The following PEX26 variants were observed in gnomAD, a reference collection of about 807,000 sequenced individuals.
PEX26 encodes the protein peroxisome assembly protein 26.
A neutral mutation model predicts 31.4 loss-of-function variants in PEX26; 18 were observed. The ratio of observed to expected loss-of-function variants is 0.57; its 90% CI spans 0.40 to 0.85. PEX26 has a LOEUF of 0.85. Among genes scored for constraint, PEX26 ranks in the 40% least tolerant of loss-of-function variants. PEX26 has a pLI of 0.00. For synonymous variants in PEX26, 176 were observed against 166.9 expected (o/e 1.05, Z -0.42); for missense variants, 377 against 383.9 (o/e 0.98, Z 0.15).
In PEX26 at chr22:18,100,777, C is replaced by T. The variant is rs549461154; in HGVS notation, c.*12702C>T. ...GAGATAGATGAGTGGGACACCATCTCGGTAGGAAAGAGTTTGACAGGAAGA... is the reference window on the plus strand; with the variant it reads ...GAGATAGATGAGTGGGACACCATCTTGGTAGGAAAGAGTTTGACAGGAAGA... On this transcript the variant is annotated 3_prime_UTR_variant, in exon 5 of 5. Transcript: ENST00000399744. 2.6e-5 allele frequency: 4 copies of T among 152,344 alleles called. No homozygotes were observed. Among genetic ancestry groups the T allele is most frequent in the South Asian group, 2.1e-4 (1 of 4,830 alleles). The allele number at this position is 152,344 out of a possible 1,614,324, so 9.4% of individuals were successfully genotyped here. A position where few individuals can be genotyped will look rare whatever the true frequency, so the allele number is the denominator to read the frequency against.
In PEX26 at chr22:18,099,046, T is replaced by G. The variant is rs1927378437; in HGVS notation, c.*10971T>G. 1 of 152,148 alleles carries G rather than the reference T, an allele frequency of 6.6e-6. No homozygotes were observed. Among genetic ancestry groups the G allele is most frequent in the Non-Finnish European group, 1.5e-5 (1 of 68,020 alleles). The allele number at this position is 152,148 out of a possible 1,614,324, so 9.4% of individuals were successfully genotyped here. ...AAAATGACATGCTGTCTGCCTTACC[T>G]TTTAGTGATGATTTGTAGGAAGAGG... is the stretch of plus-strand genomic sequence containing the variant. On this transcript the variant is annotated 3_prime_UTR_variant, in exon 5 of 5. Transcript: ENST00000399744.
At chr22:18,080,207 A>T (rs1280909475) in intron 2 of PEX26, among the ~76,000 whole-genome samples, 193 bp downstream of exon 2, 1 of 152,138 alleles carries the variant, frequency 6.6e-6, no homozygotes, top group African/African-American at 2.4e-5. Flanking sequence ...AGTAGAATAG[A>T]TATAAAGAAG....
chr22:18,093,771 A>G lies in PEX26; in HGVS notation c.*5696A>G, dbSNP rs1927204916. ...CCCCATTTCTATTAAAAATAAATGT[A>G]AACACCCAACCCTCTTGGCAGCCCA... On this transcript the variant is annotated 3_prime_UTR_variant, in exon 5 of 5. Transcript: ENST00000399744. 1 of 152,330 alleles carries G rather than the reference A, an allele frequency of 6.6e-6. No homozygotes were observed. The highest frequency in any genetic ancestry group is 6.5e-5 in the Admixed American group (1 of 15,292). 9.4% of individuals were successfully genotyped at this position (152,330 alleles called of 1,614,324 possible).
chr22:18,089,076 G>A lies in PEX26; in HGVS notation c.*1001G>A, dbSNP rs1011466698. 2.0e-4 allele frequency: 31 copies of A among 152,776 alleles called. No homozygotes were observed. Among genetic ancestry groups the A allele is most frequent in the Non-Finnish European group, 5.9e-5 (4 of 68,250 alleles). The allele number at this position is 152,776 out of a possible 1,614,324, so 9.5% of individuals were successfully genotyped here. ...TCCTGGCCAAGTCTTGCTCTGTTAC[G>A]CTCAGTGCCTCTGCCCACTCTTTCC... On this transcript the variant is annotated 3_prime_UTR_variant, in exon 5 of 5. Coordinates refer to ENST00000399744, the MANE Select transcript of PEX26 (RefSeq NM_001127649.3).
Position 18,078,460 on chromosome 22 carries a change from C to G in PEX26, c.84C>G (p.Val28=), listed in dbSNP as rs547969346. The part of the protein sequence containing the change: ...PLRSSEPVRA[V]PARAPAVDLL... ...GCAGCAGCGAGCCGGTGCGCGCGGTCCCGGCCCGGGCGCCGGCCGTGGACC... is the reference window on the plus strand; with the variant it reads ...GCAGCAGCGAGCCGGTGCGCGCGGTGCCGGCCCGGGCGCCGGCCGTGGACC... Residue 28 remains valine, a synonymous_variant, in exon 1 of 5, where the codon GTC becomes GTG. Coordinates refer to ENST00000399744, the MANE Select transcript of PEX26 (RefSeq NM_001127649.3). 4 of 1,578,082 alleles carry G rather than the reference C, an allele frequency of 2.5e-6. No individual in the cohort carries two copies. The highest frequency in any genetic ancestry group is 3.4e-6 in the Non-Finnish European group (4 of 1,164,500).
rs1237153074 is a variant in PEX26, at chr22:18,090,784, G to C, written c.*2709G>C. 6.6e-6 allele frequency: 1 copy of C among 151,544 alleles called. No individual in the cohort carries two copies. Among genetic ancestry groups the C allele is most frequent in the Non-Finnish European group, 1.5e-5 (1 of 68,018 alleles). The allele number at this position is 151,544 out of a possible 1,614,324, so 9.4% of individuals were successfully genotyped here. ...TGTGGTGGGATGGGAGGGTGGGGGA[G>C]AGGGGTGGAATGGAGAGGAAACAGG... On this transcript the variant is annotated 3_prime_UTR_variant, in exon 5 of 5. Coordinates refer to ENST00000399744, the MANE Select transcript of PEX26 (RefSeq NM_001127649.3).
rs181347620 is a variant in PEX26 at position 18,085,909 on chromosome 22, C to T, written c.814+651C>T. Among the ~76,000 whole-genome samples, 683 of 152,070 alleles carry T rather than the reference C, an allele frequency of 4.5e-3. 4 individuals are homozygous for T. The highest frequency in any genetic ancestry group is 5.8e-3 in the Non-Finnish European group (394 of 67,954). ...AAAAAACAAAAAAACTTCCGCTCATCAGAATATCTACAAAAGTGTTAATTC... is the reference window on the plus strand; with the variant it reads ...AAAAAACAAAAAAACTTCCGCTCATTAGAATATCTACAAAAGTGTTAATTC... On this transcript the variant is annotated intron_variant, in intron 4 of 4. Transcript: ENST00000399744.
Position 18,078,324 on chromosome 22 carries a change from G to T in PEX26, c.-53G>T. Reference sequence around the variant, plus strand: ...AACTCGGGATATCCCGGAGCCTCTGGGGAGGCGGTCACTCCGACGTCTGAG... The same window carrying T: ...AACTCGGGATATCCCGGAGCCTCTGTGGAGGCGGTCACTCCGACGTCTGAG... On this transcript the variant is annotated 5_prime_UTR_variant, in exon 1 of 5. Coordinates refer to ENST00000399744, the MANE Select transcript of PEX26 (RefSeq NM_001127649.3). 3.8e-6 allele frequency: 5 copies of T among 1,318,548 alleles called. No homozygotes were observed. Among genetic ancestry groups the T allele is most frequent in the Non-Finnish European group, 5.4e-6 (5 of 929,872 alleles). 81.7% of individuals were successfully genotyped at this position (1,318,548 alleles called of 1,614,324 possible). A position where few individuals can be genotyped will look rare whatever the true frequency, so the allele number is the denominator to read the frequency against.
Position 18,083,472 on chromosome 22 carries a change from CTGTGCTGGA to C in PEX26, c.412_420del (p.Leu138_Val140del). 1 of 1,614,156 alleles carries C rather than the reference CTGTGCTGGA, an allele frequency of 6.2e-7. No individual in the cohort carries two copies. Reference sequence around the variant, plus strand: ...TACAGCAAAATGCAAGAGCCTGGAGCTGTGCTGGATGTGGTGGGTGCCTGGCTCCAAGAC... The same window carrying C: ...TACAGCAAAATGCAAGAGCCTGGAGCTGTGGTGGGTGCCTGGCTCCAAGAC... On this transcript the variant is annotated inframe_deletion, in exon 3 of 5. Coordinates refer to ENST00000399744, the MANE Select transcript of PEX26 (RefSeq NM_001127649.3).
chr22:18,101,680 C>T lies in PEX26; in HGVS notation c.*13605C>T, dbSNP rs1420342994. 1.2e-5 allele frequency: 3 copies of T among 260,172 alleles called. No individual in the cohort carries two copies. The highest frequency in any genetic ancestry group is 1.1e-4 in the East Asian group (1 of 9,252). 16.1% of individuals were successfully genotyped at this position (260,172 alleles called of 1,614,324 possible). A position where few individuals can be genotyped will look rare whatever the true frequency, so the allele number is the denominator to read the frequency against. On this transcript the variant is annotated 3_prime_UTR_variant, in exon 5 of 5. Transcript: ENST00000399744. ...CTGTGCAATGACTTGTGTCAAAACC[C>T]GATCCAGAGCAGCAGTGATGAAATC...
chr22:18,092,397 A>AG lies in PEX26; in HGVS notation c.*4323dup, dbSNP rs1927133122. 6.6e-6 allele frequency: 1 copy of AG among 152,316 alleles called. No individual in the cohort carries two copies. The allele number at this position is 152,316 out of a possible 1,614,324, so 9.4% of individuals were successfully genotyped here. On this transcript the variant is annotated 3_prime_UTR_variant, in exon 5 of 5. Coordinates refer to ENST00000399744, the MANE Select transcript of PEX26 (RefSeq NM_001127649.3). ...AGGACAGACAGTGGGCACGGTGCCTAGCAGCCTGTCGCGCCCCCGCCCGCC... is the reference window on the plus strand; with the variant it reads ...AGGACAGACAGTGGGCACGGTGCCTAGGCAGCCTGTCGCGCCCCCGCCCGCC...
Position 18,089,413 on chromosome 22 carries a change from G to C in PEX26, c.*1338G>C, listed in dbSNP as rs1926985069. 1 of 152,718 alleles carries C rather than the reference G, an allele frequency of 6.5e-6. No individual in the cohort carries two copies. The highest frequency in any genetic ancestry group is 1.5e-5 in the Non-Finnish European group (1 of 68,108). The allele number at this position is 152,718 out of a possible 1,614,324, so 9.5% of individuals were successfully genotyped here. A position where few individuals can be genotyped will look rare whatever the true frequency, so the allele number is the denominator to read the frequency against. ...GCAGTGAACAATAAAACCTTAGGGA[G>C]GTGGCACCGAGGCCTTAGCATTTGA... On this transcript the variant is annotated 3_prime_UTR_variant, in exon 5 of 5. Transcript: ENST00000399744.
In PEX26 at chr22:18,099,044, C is replaced by T. The variant is rs896318188; in HGVS notation, c.*10969C>T. The T allele has an allele frequency of 2.0e-5, 3 of 152,094 alleles. No homozygotes were observed. The highest frequency in any genetic ancestry group is 7.2e-5 in the African/African-American group (3 of 41,390). 9.4% of individuals were successfully genotyped at this position (152,094 alleles called of 1,614,324 possible). On this transcript the variant is annotated 3_prime_UTR_variant, in exon 5 of 5. Coordinates refer to ENST00000399744, the MANE Select transcript of PEX26 (RefSeq NM_001127649.3). ...AAAAAATGACATGCTGTCTGCCTTA[C>T]CTTTTAGTGATGATTTGTAGGAAGA...
chr22:18,101,645 C>A lies in PEX26; in HGVS notation c.*13570C>A. On this transcript the variant is annotated 3_prime_UTR_variant, in exon 5 of 5. Transcript: ENST00000399744. ...AAAAGAATGTGGCCACCTTCCAAGG[C>A]TCAGAGTAGCTGTGCAATGACTTGT... The A allele has an allele frequency of 9.0e-6, 2 of 222,406 alleles. No homozygotes were observed. The highest frequency in any genetic ancestry group is 1.8e-5 in the Non-Finnish European group (2 of 113,374). 13.8% of individuals were successfully genotyped at this position (222,406 alleles called of 1,614,324 possible).
rs1290894137 is a variant in PEX26 at position 18,096,420 on chromosome 22, A to ATT, written c.*8360_*8361dup. The stretch of plus-strand genomic sequence containing the variant: ...AACTAGGCTTTGCAAATGGCTCTGA[A>ATT]TTTTTTTTTTTTTTTTGAGATGGAG... On this transcript the variant is annotated 3_prime_UTR_variant, in exon 5 of 5. Transcript: ENST00000399744. The ATT allele has an allele frequency of 2.2e-4, 31 of 142,384 alleles. No homozygotes were observed. Among genetic ancestry groups the ATT allele is most frequent in the African/African-American group, 5.4e-4 (21 of 38,872 alleles). The allele number at this position is 142,384 out of a possible 1,614,324, so 8.8% of individuals were successfully genotyped here.
chr22:18,094,768 C>T lies in PEX26; in HGVS notation c.*6693C>T, dbSNP rs74465839. The T allele has an allele frequency of 6.7e-5, 10 of 148,866 alleles. No individual in the cohort carries two copies. The highest frequency in any genetic ancestry group is 2.1e-4 in the South Asian group (1 of 4,654). 9.2% of individuals were successfully genotyped at this position (148,866 alleles called of 1,614,324 possible). A position where few individuals can be genotyped will look rare whatever the true frequency, so the allele number is the denominator to read the frequency against. On this transcript the variant is annotated 3_prime_UTR_variant, in exon 5 of 5. Transcript: ENST00000399744. ...CTTATTTTCCTTTGGCTTTTTTTTT[C>T]TTTTCTTTTCTTTTCTTCTTTTTTT...
chr22:18,079,505 C>G (rs1926459258), intron 1 of PEX26, among the ~76,000 whole-genome samples: 1 of 152,222 alleles, frequency 6.6e-6, no homozygotes, highest in Non-Finnish European at 1.5e-5. Context: ...AGAAACCTTG[C>G]TCCAAGCCCA....
Position 18,089,165 on chromosome 22 carries a change from T to C in PEX26, c.*1090T>C, listed in dbSNP as rs998596248. 1 of 153,096 alleles carries C rather than the reference T, an allele frequency of 6.5e-6. No individual in the cohort carries two copies. Among genetic ancestry groups the C allele is most frequent in the South Asian group, 2.1e-4 (1 of 4,824 alleles). 9.5% of individuals were successfully genotyped at this position (153,096 alleles called of 1,614,324 possible). A position where few individuals can be genotyped will look rare whatever the true frequency, so the allele number is the denominator to read the frequency against. ...TGGCTGTTTCACCAGGTTCTGCCTG[T>C]ATCCTTGCCTCCTTGGTACACACCA... On this transcript the variant is annotated 3_prime_UTR_variant, in exon 5 of 5. Coordinates refer to ENST00000399744, the MANE Select transcript of PEX26 (RefSeq NM_001127649.3).
intron 3 of PEX26, 118 bp downstream of exon 3, chr22:18,083,850 T>C (rs1926724259): frequency 1.1e-6 from 1 of 931,662 alleles, no homozygotes; most frequent in Non-Finnish European, 1.7e-6. Context: ...GAATAACTCT[T>C]GAGTCACAGA....
Sources: allele counts gnomAD v4.1 joint callset (sites outside exome capture counted in the v4.1 genomes callset), GRCh38; gene constraint gnomAD v4.1.1; transcripts MANE v1.5; gene names NCBI Gene and HGNC (gene_info 2026-07-23, HGNC 2026-07-21).